Variants in WDFY3 observed in about 807,000 individuals in gnomAD.
WDFY3 encodes the protein WD repeat and FYVE domain-containing protein 3.
In WDFY3, 66 loss-of-function variants were observed where a neutral mutation model predicts 409.6. The observed-to-expected ratio is 0.16, with a 90% CI of 0.13 to 0.20. The LOEUF is 0.20. Ranked by LOEUF, WDFY3 falls within the 10% of genes least tolerant of loss-of-function variation. The probability of loss-of-function intolerance (pLI) is 1.00; values close to 1 mark genes in which losing one functional copy is unlikely to be tolerated. For synonymous variants in WDFY3, 1,521 were observed against 1,537.1 expected, an observed-to-expected ratio of 0.99 and a Z score of 0.25; for missense variants, 3,031 against 4,298.1, an observed-to-expected ratio of 0.71 and a Z score of 8.24.
chr4:84,746,787 T>A (rs1739528238), intron 36 of WDFY3, among the ~76,000 whole-genome samples: 1 of 152,148 alleles, frequency 6.6e-6, no homozygotes, highest in South Asian at 2.1e-4. Context: ...ATATACATTA[T>A]CTCATATAGT....
intron 60 of WDFY3, 107 bp from the exon 61 acceptor site, chr4:84,690,771 T>C (rs779034073): frequency 1.5e-4 from 201 of 1,331,406 alleles, no homozygotes; most frequent in Non-Finnish European, 1.9e-4. Context: ...CACCAGCAAA[T>C]AGCGGCTCAT....
At chr4:84,883,926 G>A (rs989116973) in intron 3 of WDFY3, among the ~76,000 whole-genome samples, 4 of 152,006 alleles carry the variant, frequency 2.6e-5, no homozygotes, top group African/African-American at 7.2e-5. Context: ...CAGACGTAAC[G>A]TTCTATTTAA....
intron 30 of WDFY3, among the ~76,000 whole-genome samples, chr4:84,767,419 T>G (rs928251009): frequency 6.6e-6 from 1 of 152,082 alleles, no homozygotes; most frequent in Admixed American, 6.6e-5. Flanking sequence ...CAATGGCACC[T>G]AGATGTTCAA....
intron 2 of WDFY3, among the ~76,000 whole-genome samples, chr4:84,901,575 A>G (rs923819108): frequency 6.6e-5 from 10 of 152,198 alleles, no homozygotes; most frequent in African/African-American, 2.4e-4. Flanking sequence ...TGTTTTAAGC[A>G]ACAGAAAACA....
intron 6 of WDFY3, among the ~76,000 whole-genome samples, chr4:84,838,806 C>A (rs897168482): frequency 6.6e-6 from 1 of 152,022 alleles, no homozygotes. Flanking sequence ...CTCATCTTTC[C>A]TTCTACCCTC....
chr4:84,887,372 C>T (rs2150468511), intron 3 of WDFY3, among the ~76,000 whole-genome samples: 1 of 152,312 alleles, frequency 6.6e-6, no homozygotes, highest in East Asian at 1.9e-4. Context: ...TAAGACCATT[C>T]TAGCCAATCA....
intron 3 of WDFY3, among the ~76,000 whole-genome samples, chr4:84,894,874 TG>T (rs200430971): frequency 0.022 from 3,093 of 137,848 alleles, 110 homozygotes; most frequent in African/African-American, 0.08. Context: ...CACTTGAACC[TG>T]GGGGGAGGAG....
At chr4:84,697,319 G>A (rs931383582) in intron 56 of WDFY3, among the ~76,000 whole-genome samples, 14 of 152,148 alleles carry the variant, frequency 9.2e-5, no homozygotes, top group Admixed American at 8.5e-4. Context: ...TGACTCTTAG[G>A]TTCTCAAAAG....
At chr4:84,721,275 CA>C (rs1471705381) in intron 47 of WDFY3, 133 bp downstream of exon 47, 3 of 1,237,326 alleles carry the variant, frequency 2.4e-6, no homozygotes, top group Non-Finnish European at 3.3e-6. Context: ...GTACTGAACC[CA>C]AAAGGCTGCT....
chr4:84,714,524 T>A (rs938760829), intron 50 of WDFY3, among the ~76,000 whole-genome samples: 3 of 152,236 alleles, frequency 2.0e-5, no homozygotes, highest in Non-Finnish European at 2.9e-5. Context: ...GATGAAGGTA[T>A]CCAACATCCC....
intron 53 of WDFY3, among the ~76,000 whole-genome samples, chr4:84,705,848 T>A (rs1032994016): frequency 1.3e-5 from 2 of 152,188 alleles, no homozygotes; most frequent in African/African-American, 2.4e-5. Context: ...AGCAGGAGAC[T>A]GTGGACACAA....
At chr4:84,749,805 T>G (rs1203714064) in intron 36 of WDFY3, among the ~76,000 whole-genome samples, 1 of 152,196 alleles carries the variant, frequency 6.6e-6, no homozygotes, top group Admixed American at 6.5e-5. Context: ...TTCCCTGAAC[T>G]GTACTCCTAC....
At chr4:84,826,676 TAA>T in intron 10 of WDFY3, 137 bp downstream of exon 10, 1 of 692,770 alleles carries the variant, frequency 1.4e-6, no homozygotes. Context: ...CTTAAACCAT[TAA>T]AAAAAAAACA....
rs35016773 is a variant in WDFY3 at position 84,864,365 on chromosome 4, C to CAAA, written c.-31-3746_-31-3744dup. 1.8e-3 allele frequency among the ~76,000 whole-genome samples: 57 copies of CAAA among 32,360 alleles called. 1 individual carries two copies. The highest frequency in any genetic ancestry group is 0.033 in the Middle Eastern group (2 of 60). 21.2% of individuals were successfully genotyped at this position (32,360 alleles called of 152,430 possible). A position where few individuals can be genotyped will look rare whatever the true frequency, so the allele number is the denominator to read the frequency against. The stretch of plus-strand genomic sequence containing the variant: ...TGGGTGAAAGAGCAAGACTCCATCT[C>CAAA]AAAAAAAAAAAAAAAAAAAAAAAAG... On this transcript the variant is annotated intron_variant, in intron 3 of 67. Transcript: ENST00000295888.
chr4:84,683,705 G>C (rs1727805853), intron 63 of WDFY3, among the ~76,000 whole-genome samples: 1 of 152,202 alleles, frequency 6.6e-6, no homozygotes, highest in Non-Finnish European at 1.5e-5. Context: ...TGACCTCACT[G>C]TGTCAAGCTG....
At chr4:84,891,652 A>G (rs937254724) in intron 3 of WDFY3, among the ~76,000 whole-genome samples, 1 of 152,198 alleles carries the variant, frequency 6.6e-6, no homozygotes, top group Non-Finnish European at 1.5e-5. Context: ...ACAAAAATAA[A>G]AAATTATATA....
chr4:84,702,630 T>G (rs1044201838), intron 55 of WDFY3, 124 bp from the exon 56 acceptor site: 2 of 769,616 alleles, frequency 2.6e-6, no homozygotes, highest in African/African-American at 3.6e-5. Context: ...TTATCCTACA[T>G]TAAATACGCA....
chr4:84,838,949 T>A (rs1756960653), intron 6 of WDFY3, among the ~76,000 whole-genome samples: 1 of 152,198 alleles, frequency 6.6e-6, no homozygotes, highest in African/African-American at 2.4e-5. Context: ...CATGTTTTGG[T>A]CATCTCTGTG....
Position 84,917,883 on chromosome 4 carries a change from G to C in WDFY3, c.-132+14387C>G, listed in dbSNP as rs1006688924. Among the ~76,000 whole-genome samples, 3 of 152,010 alleles carry C rather than the reference G, an allele frequency of 2.0e-5. No individual in the cohort carries two copies. The East Asian group carries it at 5.8e-4, about 29-fold the overall frequency. ...TAATTTAAAAAGACCAAAACTCCTAGAGAAAAATGAAAGAAGATATAGACA... is the reference window on the plus strand; with the variant it reads ...TAATTTAAAAAGACCAAAACTCCTACAGAAAAATGAAAGAAGATATAGACA... On this transcript the variant is annotated intron_variant, in intron 2 of 67. Coordinates refer to ENST00000295888, the MANE Select transcript of WDFY3 (RefSeq NM_014991.6).
Sources: gnomAD v4.1 joint callset for allele counts (sites outside exome capture counted in the v4.1 genomes callset) on GRCh38, gnomAD v4.1.1 for gene constraint, MANE v1.5 for transcripts, NCBI Gene and HGNC (gene_info 2026-07-23, HGNC 2026-07-21) for gene names.